GDPD4: variants seen among roughly 807,000 people sequenced by gnomAD.
GDPD4 encodes glycerophosphodiester phosphodiesterase domain containing 4.
A neutral mutation model predicts 67.8 loss-of-function variants in GDPD4; 60 were observed. The ratio of observed to expected loss-of-function variants is 0.88; its 90% CI spans 0.72 to 1.10. GDPD4 has a LOEUF of 1.10. Among genes scored for constraint, GDPD4 ranks in the 50% least tolerant of loss-of-function variants. The pLI is 0.00. For missense variants in GDPD4, 623 were observed against 613.9 expected (o/e 1.01, Z -0.16); for synonymous variants, 212 against 210.9 (o/e 1.00, Z -0.04).
intron 11 of GDPD4, among the ~76,000 whole-genome samples, chr11:77,256,295 A>G (rs1393507431): frequency 3.3e-5 from 5 of 152,318 alleles, no homozygotes; most frequent in Middle Eastern, 3.4e-3. Flanking sequence ...CAATATATAC[A>G]TCCTAATGGA....
chr11:77,235,007 CTGTTTTTTTTTTT>C (rs1958524045), intron 13 of GDPD4, among the ~76,000 whole-genome samples: 1 of 32,918 alleles, frequency 3.0e-5, no homozygotes, highest in African/African-American at 9.2e-5. Flanking sequence ...TTGTCAATAT[CTGTTTTTTTTTTT>C]TTTTTTTTTT....
At position 77,245,412 on chromosome 11, in the gene GDPD4, T is replaced by C. The variant is rs1213985341; in HGVS notation, c.955A>G (p.Thr319Ala). The C allele has an allele frequency of 6.2e-7, 1 of 1,614,000 alleles. No homozygotes were observed. Among genetic ancestry groups the C allele is most frequent in the Non-Finnish European group, 8.5e-7 (1 of 1,179,932 alleles). Residue 319 changes from threonine (T) to alanine (A), a missense_variant, in exon 12 of 17, where the codon ACA becomes GCA. Physicochemically the swap from Thr to Ala is moderately conservative, Grantham distance 58. Coordinates refer to ENST00000315938, the MANE Select transcript of GDPD4 (RefSeq NM_182833.3). Reference protein sequence around the residue: ...QSIPTLADLLTLAEKERKFVI... With the variant: ...QSIPTLADLLALAEKERKFVI... The stretch of plus-strand genomic sequence containing the variant: ...AATTTTCTTTCCTTCTCTGCAAGTG[T>C]CAATAAATCAGCTAGTGTTGGAATT...
intron 1 of GDPD4, among the ~76,000 whole-genome samples, chr11:77,287,667 G>C (rs1191075755): frequency 6.6e-6 from 1 of 152,050 alleles, no homozygotes; most frequent in African/African-American, 2.4e-5. Flanking sequence ...CTCTAAAGTG[G>C]GACAATATTC....
intron 13 of GDPD4, among the ~76,000 whole-genome samples, chr11:77,238,319 C>T (rs976623177): frequency 6.6e-6 from 1 of 152,202 alleles, no homozygotes; most frequent in Non-Finnish European, 1.5e-5. Flanking sequence ...CGTGGTGGCT[C>T]ATGCCTGTAA....
intron 5 of GDPD4, among the ~76,000 whole-genome samples, chr11:77,273,007 T>A (rs1335806561): frequency 6.6e-6 from 1 of 152,174 alleles, no homozygotes; most frequent in East Asian, 1.9e-4. Flanking sequence ...AGTCAATATC[T>A]TTTAACACAT....
chr11:77,276,339 T>A, intron 4 of GDPD4, 119 bp from the exon 5 acceptor site: 1 of 760,806 alleles, frequency 1.3e-6, no homozygotes. Flanking sequence ...TTTCTTGCTA[T>A]ACCTGTACTT....
chr11:77,221,270 TCTG>T (rs1373132550), intron 16 of GDPD4, among the ~76,000 whole-genome samples: 1 of 152,180 alleles, frequency 6.6e-6, no homozygotes, highest in Non-Finnish European at 1.5e-5. Context: ...TTTCTTGCCT[TCTG>T]CTATTAAATT....
At chr11:77,219,241 CT>C (rs1419300374) in intron 16 of GDPD4, among the ~76,000 whole-genome samples, 1 of 151,026 alleles carries the variant, frequency 6.6e-6, no homozygotes, top group Non-Finnish European at 1.5e-5. Flanking sequence ...TGGGGTTGTT[CT>C]TGTAAATTTG....
chr11:77,280,023 G>A (rs1959686305), intron 3 of GDPD4, among the ~76,000 whole-genome samples: 1 of 152,080 alleles, frequency 6.6e-6, no homozygotes, highest in South Asian at 2.1e-4. Context: ...TAAACTATAG[G>A]TTAGTGAACA....
chr11:77,233,462 A>AG (rs1441025231), intron 13 of GDPD4, among the ~76,000 whole-genome samples: 1 of 151,702 alleles, frequency 6.6e-6, no homozygotes, highest in African/African-American at 2.4e-5. Flanking sequence ...AAAAAAAAAA[A>AG]AAAGAATGGG....
At chr11:77,290,446 A>C (rs1051962970) in intron 1 of GDPD4, among the ~76,000 whole-genome samples, 3 of 152,224 alleles carry the variant, frequency 2.0e-5, no homozygotes, top group Non-Finnish European at 2.9e-5. Flanking sequence ...AAAAAGTAGA[A>C]ATCAATAACA....
At chr11:77,267,274 G>T (rs904940412) in intron 10 of GDPD4, among the ~76,000 whole-genome samples, 5 of 152,214 alleles carry the variant, frequency 3.3e-5, no homozygotes, top group African/African-American at 1.2e-4. Flanking sequence ...CTAGGTTTGT[G>T]TAAGTTCACT....
chr11:77,244,418 T>G (rs1958739025), intron 12 of GDPD4, among the ~76,000 whole-genome samples: 1 of 152,188 alleles, frequency 6.6e-6, no homozygotes, highest in Admixed American at 6.5e-5. Flanking sequence ...CCTCTCCATT[T>G]ACCAGTTAAC....
At chr11:77,248,765 A>AG (rs1215200157) in intron 11 of GDPD4, among the ~76,000 whole-genome samples, 1 of 151,378 alleles carries the variant, frequency 6.6e-6, no homozygotes, top group Non-Finnish European at 1.5e-5. Flanking sequence ...CTTGTTGCCC[A>AG]GGCTGGAGTA....
At chr11:77,263,661 CAA>C (rs1406275131) in intron 10 of GDPD4, among the ~76,000 whole-genome samples, 3 of 152,090 alleles carry the variant, frequency 2.0e-5, no homozygotes, top group African/African-American at 7.2e-5. Flanking sequence ...CCACTATAAA[CAA>C]AATATTAAAT....
chr11:77,273,154 T>C (rs1959295972), intron 5 of GDPD4, among the ~76,000 whole-genome samples: 2 of 152,204 alleles, frequency 1.3e-5, no homozygotes. Context: ...TATTAGCATG[T>C]TTACAAGGAG....
rs1959193064 is a variant in GDPD4 at position 77,269,062 on chromosome 11, T to G, written c.486A>C (p.Gln162His). 6.2e-7 allele frequency: 1 copy of G among 1,612,148 alleles called. No homozygotes were observed. Among genetic ancestry groups the G allele is most frequent in the Non-Finnish European group, 8.5e-7 (1 of 1,179,452 alleles). ...GAAGAAAGGGTAATCCAACAGGCAC[T>G]TGTAGACCTGAAAAATTTGAAAGGA... Reference protein sequence around the residue: ...CNVITRLRGLQVPVGLPFLLI... With the variant: ...CNVITRLRGLHVPVGLPFLLI... Residue 162 changes from glutamine to histidine, a missense_variant, in exon 9 of 17, where the codon CAA becomes CAC. Physicochemically the swap from Gln to His is conservative, Grantham distance 24. Transcript: ENST00000315938.
chr11:77,224,710 G>C (rs1000513162), intron 16 of GDPD4, among the ~76,000 whole-genome samples: 1 of 152,202 alleles, frequency 6.6e-6, no homozygotes, highest in Non-Finnish European at 1.5e-5. Flanking sequence ...CCTGTAAAGA[G>C]TAAGTAAAGG....
At chr11:77,248,884 G>C (rs1370727977) in intron 11 of GDPD4, among the ~76,000 whole-genome samples, 1 of 120,526 alleles carries the variant, frequency 8.3e-6, no homozygotes, top group African/African-American at 2.8e-5. Context: ...AACATGCCCG[G>C]CTAATTTTTT....
Sources: allele counts gnomAD v4.1 joint callset (sites outside exome capture counted in the v4.1 genomes callset), GRCh38; gene constraint gnomAD v4.1.1; transcripts MANE v1.5; gene names NCBI Gene and HGNC (gene_info 2026-07-23, HGNC 2026-07-21).